The following RASSF8 variants were observed in gnomAD, a reference collection of about 807,000 sequenced individuals.
RASSF8 encodes Ras association domain family member 8.
Under a neutral mutation model 48.5 loss-of-function variants are expected in RASSF8, and 22 were observed. That is an observed-to-expected ratio of 0.45 (90% CI 0.32 to 0.65). The LOEUF (loss-of-function observed/expected upper bound fraction) is 0.65, where lower values mean the gene tolerates loss of function less well. Ranked by LOEUF, RASSF8 falls within the 30% of genes least tolerant of loss-of-function variation. RASSF8 has a pLI of 0.03. For synonymous variants in RASSF8, 127 were observed against 171.5 expected, an observed-to-expected ratio of 0.74 and a Z score of 2.03; for missense variants, 418 against 489.2, an observed-to-expected ratio of 0.85 and a Z score of 1.37.
rs1943568652 is a variant in RASSF8 at position 26,054,856 on chromosome 12, T to C, written c.-108-380T>C. ...CACACTGCAAAGTGGTTCAATTTTA[T>C]TGATAATTCCTAAAATGACAAACTT... On this transcript the variant is annotated intron_variant, in intron 2 of 5. Transcript: ENST00000689635. Among the ~76,000 whole-genome samples the C allele has an allele frequency of 2.6e-5, 4 of 152,222 alleles. No individual in the cohort carries two copies. The East Asian group carries it at 5.8e-4, about 22-fold the overall frequency.
At chr12:26,067,085 C>G (rs114083039) in intron 4 of RASSF8, among the ~76,000 whole-genome samples, 1 of 152,156 alleles carries the variant, frequency 6.6e-6, no homozygotes, top group Admixed American at 6.5e-5. Context: ...ATCCATGGAA[C>G]AAATTACAAT....
chr12:26,002,009 G>A (rs893702518), intron 2 of RASSF8, among the ~76,000 whole-genome samples: 1 of 152,200 alleles, frequency 6.6e-6, no homozygotes. Context: ...TGATGGCTAC[G>A]CCGTCACTAG....
chr12:26,010,135 A>G (rs1444635945), intron 2 of RASSF8, among the ~76,000 whole-genome samples: 1 of 152,230 alleles, frequency 6.6e-6, no homozygotes, highest in Non-Finnish European at 1.5e-5. Flanking sequence ...TGCCTAATCC[A>G]TTCTGAGGCC....
intron 2 of RASSF8, among the ~76,000 whole-genome samples, chr12:26,031,765 A>C (rs1943034776): frequency 6.6e-6 from 1 of 152,138 alleles, no homozygotes; most frequent in Non-Finnish European, 1.5e-5. Context: ...AAAGAGGGTT[A>C]ATAGAGATTT....
intron 1 of RASSF8, among the ~76,000 whole-genome samples, chr12:25,971,221 C>T (rs1441381810): frequency 2.0e-5 from 3 of 151,782 alleles, no homozygotes; most frequent in Non-Finnish European, 4.4e-5. Context: ...TTATCTTTTT[C>T]TAAAATGGAG....
chr12:25,990,342 T>C (rs1236497106), intron 1 of RASSF8, among the ~76,000 whole-genome samples: 1 of 152,254 alleles, frequency 6.6e-6, no homozygotes, highest in African/African-American at 2.4e-5. Flanking sequence ...TTGATACTAT[T>C]GTTACTAGGC....
chr12:26,004,310 T>G (rs1349227140), intron 2 of RASSF8, among the ~76,000 whole-genome samples: 1 of 152,216 alleles, frequency 6.6e-6, no homozygotes, highest in Non-Finnish European at 1.5e-5. Flanking sequence ...TGACTGAGAT[T>G]TATGCCTACA....
intron 5 of RASSF8, chr12:26,078,949 T>A: frequency 7.7e-7 from 1 of 1,299,394 alleles, no homozygotes; most frequent in Non-Finnish European, 1.0e-6. Flanking sequence ...AAGCTAGTAA[T>A]TGAGATCATG....
downstream of RASSF8, among the ~76,000 whole-genome samples, chr12:26,077,241 G>T (rs928472414): frequency 1.3e-5 from 2 of 152,106 alleles, no homozygotes; most frequent in African/African-American, 2.4e-5. Flanking sequence ...AGTTTCTTTC[G>T]CTGTGCAGAA....
At chr12:26,068,583 A>G in intron 5 of RASSF8, 114 bp from the exon 6 acceptor site, 1 of 808,640 alleles carries the variant, frequency 1.2e-6, no homozygotes, top group Non-Finnish European at 2.0e-6. Context: ...GGGGATTGCA[A>G]TTATTGCTCT....
At chr12:25,963,980 C>G (rs1179072163) in intron 1 of RASSF8, among the ~76,000 whole-genome samples, 1 of 152,206 alleles carries the variant, frequency 6.6e-6, no homozygotes, top group African/African-American at 2.4e-5. Flanking sequence ...AGACCCTTAC[C>G]CTGGTGCTTA....
chr12:26,060,119 G>A (rs570115391), intron 3 of RASSF8, among the ~76,000 whole-genome samples: 235 of 152,190 alleles, frequency 1.5e-3, no homozygotes, highest in African/African-American at 5.3e-3. Context: ...GGATGGTCTC[G>A]ATCTCCTGAC....
intron 2 of RASSF8, among the ~76,000 whole-genome samples, chr12:26,025,794 T>C (rs1472686412): frequency 1.3e-5 from 2 of 151,806 alleles, no homozygotes; most frequent in African/African-American, 4.8e-5. Context: ...ATTTATAATA[T>C]CAAAAAGAAT....
At chr12:26,068,078 T>C (rs1943919233) in intron 5 of RASSF8, among the ~76,000 whole-genome samples, 1 of 152,176 alleles carries the variant, frequency 6.6e-6, no homozygotes, top group African/African-American at 2.4e-5. Context: ...ACCATCTGCT[T>C]AACTTTGAAT....
intron 2 of RASSF8, among the ~76,000 whole-genome samples, chr12:26,029,810 G>A (rs1942991519): frequency 6.6e-6 from 1 of 152,042 alleles, no homozygotes; most frequent in African/African-American, 2.4e-5. Context: ...AAACTATGAC[G>A]TCCGAGTTAT....
intron 1 of RASSF8, among the ~76,000 whole-genome samples, chr12:25,988,194 T>G (rs1941933000): frequency 6.6e-6 from 1 of 152,120 alleles, no homozygotes; most frequent in Non-Finnish European, 1.5e-5. Context: ...AATGAATTCC[T>G]TCCTAGCATT....
chr12:26,034,838 A>T (rs1476651417), intron 2 of RASSF8, among the ~76,000 whole-genome samples: 1 of 143,964 alleles, frequency 6.9e-6, no homozygotes, highest in Non-Finnish European at 1.6e-5. Flanking sequence ...AAGCTACATT[A>T]AAAAAAAACA....
chr12:26,021,270 G>A (rs1028321738), intron 2 of RASSF8, among the ~76,000 whole-genome samples: 1 of 152,068 alleles, frequency 6.6e-6, no homozygotes, highest in African/African-American at 2.4e-5. Flanking sequence ...TCTAAAACTT[G>A]GTCAGAACAG....
At chr12:26,007,654 C>G (rs1047281434) in intron 2 of RASSF8, among the ~76,000 whole-genome samples, 1 of 152,140 alleles carries the variant, frequency 6.6e-6, no homozygotes, top group Non-Finnish European at 1.5e-5. Flanking sequence ...CAGAAAGGAA[C>G]AGGGGCATAG....
Sources: gnomAD v4.1 joint callset for allele counts (sites outside exome capture counted in the v4.1 genomes callset) on GRCh38, gnomAD v4.1.1 for gene constraint, MANE v1.5 for transcripts, NCBI Gene and HGNC (gene_info 2026-07-23, HGNC 2026-07-21) for gene names.